The following LRRC72 variants were observed in gnomAD, a reference collection of about 807,000 sequenced individuals.
LRRC72 encodes leucine rich repeat containing 72.
Under a neutral mutation model 35.8 loss-of-function variants are expected in LRRC72, and 41 were observed. The ratio of observed to expected loss-of-function variants is 1.15; its 90% confidence interval spans 0.89 to 1.49. LRRC72 has a LOEUF of 1.49. LRRC72 is among the 40% of genes most tolerant of loss of function. The pLI, the probability that LRRC72 is intolerant of heterozygous loss-of-function variation, is 0.00. For missense variants in LRRC72, 389 were observed against 330.7 expected, an observed-to-expected ratio of 1.18 and a Z score of -1.37; for synonymous variants, 118 against 119.2, an observed-to-expected ratio of 0.99 and a Z score of 0.07.
At chr7:16,559,351 G>A (rs759635658) in intron 5 of LRRC72, among the ~76,000 whole-genome samples, 5 of 151,816 alleles carry the variant, frequency 3.3e-5, no homozygotes, top group East Asian at 3.9e-4. Context: ...CCAAGATCGC[G>A]CCACTGGACT....
Position 16,557,345 on chromosome 7 carries a change from A to C in LRRC72, c.235-15A>C. 2 of 1,058,850 alleles carry C rather than the reference A, an allele frequency of 1.9e-6. No individual in the cohort carries two copies. The highest frequency in any genetic ancestry group is 2.6e-6 in the Non-Finnish European group (2 of 782,096). 65.6% of individuals were successfully genotyped at this position (1,058,850 alleles called of 1,614,324 possible). Reference sequence around the variant, plus strand: ...TATTATAGAAAGTATATTGTTCTCTAACTCTCATTTTTAGCTCCATGGAAT... The same window carrying C: ...TATTATAGAAAGTATATTGTTCTCTCACTCTCATTTTTAGCTCCATGGAAT... On this transcript the variant is annotated splice_polypyrimidine_tract_variant and intron_variant, in intron 3 of 8. Coordinates refer to ENST00000401542, the MANE Select transcript of LRRC72 (RefSeq NM_001195280.2).
intron 3 of LRRC72, among the ~76,000 whole-genome samples, chr7:16,555,390 G>C (rs1188670173): frequency 6.6e-6 from 1 of 152,196 alleles, no homozygotes; most frequent in African/African-American, 2.4e-5. Flanking sequence ...TGAATAAAAT[G>C]TCCAATAAAT....
rs776422857 is a variant in LRRC72, at chr7:16,568,807, A to T, written c.670+1264A>T. Among the ~76,000 whole-genome samples the T allele has an allele frequency of 1.6e-4, 25 of 152,228 alleles. 1 individual carries two copies. The highest frequency in any genetic ancestry group is 6.5e-4 in the Admixed American group (10 of 15,274). On this transcript the variant is annotated intron_variant, in intron 7 of 8. Transcript: ENST00000401542. ...GATGACCTACAAAAGAATAACACAG[A>T]GATTCACAACAGACTCTCCAACTAC... is the stretch of plus-strand genomic sequence containing the variant.
intron 5 of LRRC72, 54 bp downstream of exon 5, chr7:16,559,053 C>A: frequency 9.4e-7 from 1 of 1,062,844 alleles, no homozygotes; most frequent in Non-Finnish European, 1.4e-6. Flanking sequence ...TAACATAAGA[C>A]ATTTTTCCAT....
In LRRC72 at chr7:16,581,305, A is replaced by T; in HGVS notation, c.699-19A>T. On this transcript the variant is annotated intron_variant, in intron 8 of 8. Coordinates refer to ENST00000401542, the MANE Select transcript of LRRC72 (RefSeq NM_001195280.2). ...TTTTTGATTGCTTTTTTTCTGACAT[A>T]ATTGCTTTTTTTTTGCAGAACTGTG... 3 of 1,414,908 alleles carry T rather than the reference A, an allele frequency of 2.1e-6. No homozygotes were observed. Among genetic ancestry groups the T allele is most frequent in the Non-Finnish European group, 2.8e-6 (3 of 1,076,868 alleles). 87.6% of individuals were successfully genotyped at this position (1,414,908 alleles called of 1,614,324 possible). A position where few individuals can be genotyped will look rare whatever the true frequency, so the allele number is the denominator to read the frequency against.
intron 4 of LRRC72, among the ~76,000 whole-genome samples, chr7:16,558,309 A>C (rs1175163707): frequency 2.0e-5 from 3 of 152,172 alleles, no homozygotes; most frequent in Non-Finnish European, 4.4e-5. Context: ...TCATTGCTAC[A>C]TTTTAAAAAG....
chr7:16,579,465 G>C (rs953911237), intron 7 of LRRC72, among the ~76,000 whole-genome samples: 1 of 152,142 alleles, frequency 6.6e-6, no homozygotes, highest in Non-Finnish European at 1.5e-5. Flanking sequence ...ATCCATCTCT[G>C]TACGGGCCCT....
At chr7:16,572,556 A>G (rs1245052885) in intron 7 of LRRC72, among the ~76,000 whole-genome samples, 1 of 152,234 alleles carries the variant, frequency 6.6e-6, no homozygotes, top group African/African-American at 2.4e-5. Flanking sequence ...CAAAAACCAC[A>G]TGATTATCTC....
intron 1 of LRRC72, among the ~76,000 whole-genome samples, chr7:16,527,379 G>C (rs1307672707): frequency 6.6e-6 from 1 of 152,008 alleles, no homozygotes; most frequent in African/African-American, 2.4e-5. Flanking sequence ...CATCTGCTGC[G>C]TATATAATTA....
intron 3 of LRRC72, among the ~76,000 whole-genome samples, chr7:16,541,679 C>T (rs1012730837): frequency 1.3e-5 from 2 of 152,124 alleles, no homozygotes; most frequent in Non-Finnish European, 2.9e-5. Flanking sequence ...TTTGGGAGGC[C>T]GAGGCGAATG....
rs1782080923 is a variant in LRRC72, at chr7:16,527,009, GGCATCCGAAACT to G, written c.60_71del (p.Ser21_Ala24del). The G allele has an allele frequency of 6.5e-7, 1 of 1,539,536 alleles. No individual in the cohort carries two copies. The highest frequency in any genetic ancestry group is 1.4e-5 in the African/African-American group (1 of 73,034). ...CCTTGCGATGCTGGCGCCTACGGAG[GGCATCCGAAACT>G]GCCCTACAGAGCAGTCGCCGGGTAA... On this transcript the variant is annotated inframe_deletion, in exon 1 of 9. Coordinates refer to ENST00000401542, the MANE Select transcript of LRRC72 (RefSeq NM_001195280.2).
At chr7:16,554,122 G>C (rs995789096) in intron 3 of LRRC72, among the ~76,000 whole-genome samples, 1 of 151,978 alleles carries the variant, frequency 6.6e-6, no homozygotes, top group Non-Finnish European at 1.5e-5. Flanking sequence ...TGAGGTCAGG[G>C]GTTCGAGACC....
At chr7:16,561,199 T>C (rs1782739074) in intron 5 of LRRC72, among the ~76,000 whole-genome samples, 1 of 152,214 alleles carries the variant, frequency 6.6e-6, no homozygotes, top group Admixed American at 6.5e-5. Context: ...AGTCTATACC[T>C]ATATAGGGCT....
intron 3 of LRRC72, among the ~76,000 whole-genome samples, chr7:16,553,808 G>A (rs559809216): frequency 2.6e-5 from 4 of 152,230 alleles, no homozygotes; most frequent in Admixed American, 6.5e-5. Flanking sequence ...GTATACATTT[G>A]TACCTAGTAG....
At chr7:16,554,860 G>T (rs1193568858) in intron 3 of LRRC72, among the ~76,000 whole-genome samples, 4 of 152,216 alleles carry the variant, frequency 2.6e-5, no homozygotes, top group Admixed American at 2.0e-4. Flanking sequence ...CAACGCAAGA[G>T]AAATTAAAGT....
chr7:16,560,315 T>C (rs966567181), intron 5 of LRRC72, among the ~76,000 whole-genome samples: 2 of 152,342 alleles, frequency 1.3e-5, no homozygotes, highest in East Asian at 3.9e-4. Flanking sequence ...AGAGAGTTAC[T>C]AAGGTTTCCA....
intron 3 of LRRC72, among the ~76,000 whole-genome samples, chr7:16,545,399 G>T (rs74572095): frequency 0.083 from 12,670 of 152,196 alleles, 641 homozygotes; most frequent in East Asian, 0.15. Flanking sequence ...ATTTGATAAA[G>T]AATTCTTTGA....
intron 1 of LRRC72, 28 bp from the exon 2 acceptor site, chr7:16,532,467 G>A: frequency 6.6e-7 from 1 of 1,519,616 alleles, no homozygotes; most frequent in Non-Finnish European, 8.9e-7. Flanking sequence ...TTGGAATGTA[G>A]TTTGACAGAT....
intron 7 of LRRC72, among the ~76,000 whole-genome samples, chr7:16,571,288 C>T (rs1038522223): frequency 2.6e-5 from 4 of 152,126 alleles, no homozygotes; most frequent in African/African-American, 9.7e-5. Context: ...GGGAAGGGGG[C>T]TCCGGACATG....
Sources: allele counts gnomAD v4.1 joint callset (sites outside exome capture counted in the v4.1 genomes callset), GRCh38; gene constraint gnomAD v4.1.1; transcripts MANE v1.5; gene names NCBI Gene and HGNC (gene_info 2026-07-23, HGNC 2026-07-21).